The following TASP1 variants were observed in gnomAD, a reference collection of about 807,000 sequenced individuals.
The protein encoded by TASP1 is taspase 1, also known as threonine aspartase 1.
A neutral mutation model predicts 56.6 loss-of-function variants in TASP1; 16 were observed. The observed-to-expected ratio is 0.28, with a 90% CI of 0.19 to 0.43. The LOEUF is 0.43. Among genes scored for constraint, TASP1 ranks in the 20% least tolerant of loss-of-function variants. The pLI is 1.00. For missense variants in TASP1, 393 were observed against 511.6 expected, an observed-to-expected ratio of 0.77 and a Z score of 2.24; for synonymous variants, 179 against 184.2, an observed-to-expected ratio of 0.97 and a Z score of 0.23.
chr20:13,456,030 C>T (rs948801897), intron 11 of TASP1, among the ~76,000 whole-genome samples: 13 of 152,242 alleles, frequency 8.5e-5, no homozygotes, highest in African/African-American at 3.1e-4. Context: ...GGATCAAGAT[C>T]CTCAAGCACT....
intron 4 of TASP1, among the ~76,000 whole-genome samples, chr20:13,615,502 GTTTTT>G (rs756677945): frequency 7.6e-6 from 1 of 132,212 alleles, no homozygotes; most frequent in African/African-American, 2.7e-5. Flanking sequence ...TGAGAATCTG[GTTTTT>G]TTTTTTTTTT....
chr20:13,435,613 TAAATGCTTCTGATGGTTCG>T (rs1185399167), intron 11 of TASP1, among the ~76,000 whole-genome samples: 2 of 152,224 alleles, frequency 1.3e-5, no homozygotes, highest in African/African-American at 2.4e-5. Context: ...TAAACATTTT[TAAATGCTTCTGATGGTTCG>T]CACAAATAAG....
At chr20:13,438,486 C>A (rs930034435) in intron 11 of TASP1, among the ~76,000 whole-genome samples, 1 of 152,164 alleles carries the variant, frequency 6.6e-6, no homozygotes, top group African/African-American at 2.4e-5. Context: ...CTTCCTTATA[C>A]CTTATACAAA....
the TASP1 span, among the ~76,000 whole-genome samples, chr20:13,375,471 T>C: frequency 6.6e-6 from 1 of 152,210 alleles, no homozygotes; most frequent in East Asian, 1.9e-4. Context: ...ATTTTCTTTA[T>C]CCAGTCTATC....
intron 12 of TASP1, among the ~76,000 whole-genome samples, chr20:13,427,900 A>C (rs995066657): frequency 6.6e-6 from 1 of 152,210 alleles, no homozygotes; most frequent in Non-Finnish European, 1.5e-5. Context: ...TTGATAGGAA[A>C]GAATCTGAAG....
chr20:13,477,236 G>A (rs1015967666), intron 11 of TASP1, among the ~76,000 whole-genome samples: 1 of 152,050 alleles, frequency 6.6e-6, no homozygotes, highest in Non-Finnish European at 1.5e-5. Flanking sequence ...ATCCTCTAAT[G>A]TCAATGACAG....
At chr20:13,587,868 G>A (rs991445493) in intron 4 of TASP1, among the ~76,000 whole-genome samples, 20 of 152,144 alleles carry the variant, frequency 1.3e-4, no homozygotes, top group African/African-American at 4.6e-4. Flanking sequence ...GCTCACACCT[G>A]TAATCCCAAC....
chr20:13,606,023 A>AC (rs1413221163), intron 4 of TASP1, among the ~76,000 whole-genome samples: 1 of 152,042 alleles, frequency 6.6e-6, no homozygotes, highest in African/African-American at 2.4e-5. Flanking sequence ...GAAAGCCCCT[A>AC]CCTCAGGGCT....
intron 11 of TASP1, among the ~76,000 whole-genome samples, chr20:13,440,440 A>C (rs2043173557): frequency 6.6e-6 from 1 of 152,212 alleles, no homozygotes; most frequent in Non-Finnish European, 1.5e-5. Context: ...GCATGAAGCC[A>C]GAAGAGGCCA....
At chr20:13,503,128 G>C (rs1480025314) in intron 10 of TASP1, among the ~76,000 whole-genome samples, 1 of 152,024 alleles carries the variant, frequency 6.6e-6, no homozygotes, top group African/African-American at 2.4e-5. Context: ...GAGAAGGAAG[G>C]GGAGGGAGGC....
rs142775426 is a variant in TASP1, at chr20:13,611,366, T to C, written c.282+12080A>G. On this transcript the variant is annotated intron_variant, in intron 4 of 13. Coordinates refer to ENST00000337743, the MANE Select transcript of TASP1 (RefSeq NM_017714.3). ...AACCTTATTTGGGTCACCGAGGTTT[T>C]TGATCTGCTTTAGCTTCAGGTCAAA... 2.6e-5 allele frequency among the ~76,000 whole-genome samples: 4 copies of C among 152,334 alleles called. No individual in the cohort carries two copies. The East Asian group carries it at 5.8e-4, about 22-fold the overall frequency.
At chr20:13,434,752 A>G (rs2146188984) in intron 12 of TASP1, among the ~76,000 whole-genome samples, 1 of 152,300 alleles carries the variant, frequency 6.6e-6, no homozygotes, top group South Asian at 2.1e-4. Flanking sequence ...GCTTTGTGGA[A>G]TAAGATAGGA....
the TASP1 span, among the ~76,000 whole-genome samples, chr20:13,142,958 T>C: frequency 6.6e-6 from 1 of 152,226 alleles, no homozygotes; most frequent in Admixed American, 6.5e-5. Flanking sequence ...TGTTCACCTG[T>C]AGCTAAGACC....
rs1407184139 is a variant in TASP1, at chr20:13,450,474, A to G, written c.986-15320T>C. On this transcript the variant is annotated intron_variant, in intron 11 of 13. Transcript: ENST00000337743. Reference sequence around the variant, plus strand: ...TCAAACCTTGAAGTTGCTTTATCAAATAAGTTATGCAATATCCTAATTCTT... The same window carrying G: ...TCAAACCTTGAAGTTGCTTTATCAAGTAAGTTATGCAATATCCTAATTCTT... 2.0e-5 allele frequency among the ~76,000 whole-genome samples: 3 copies of G among 152,146 alleles called. No homozygotes were observed. In the East Asian group the frequency reaches 5.8e-4, roughly 29 times the overall value.
chr20:13,411,660 G>C (rs1341845653), intron 13 of TASP1, among the ~76,000 whole-genome samples: 1 of 152,186 alleles, frequency 6.6e-6, no homozygotes, highest in Non-Finnish European at 1.5e-5. Context: ...CCTTAAGCAA[G>C]GTTTGGGATC....
At chr20:13,550,165 CACACACACACACACACACACAG>C (rs2033649345) in intron 8 of TASP1, among the ~76,000 whole-genome samples, 1 of 151,274 alleles carries the variant, frequency 6.6e-6, no homozygotes, top group Non-Finnish European at 1.5e-5. Context: ...CACACACACA[CACACACACACACACACACACAG>C]AGACACTGCA....
At chr20:13,597,283 A>G (rs904051557) in intron 4 of TASP1, among the ~76,000 whole-genome samples, 2 of 152,250 alleles carry the variant, frequency 1.3e-5, no homozygotes, top group African/African-American at 4.8e-5. Flanking sequence ...AAAATCCTCA[A>G]CAAAATACTG....
At chr20:13,458,450 T>C (rs145736973) in intron 11 of TASP1, among the ~76,000 whole-genome samples, 13,821 of 152,030 alleles carry the variant, frequency 0.091, 1,196 homozygotes, top group African/African-American at 0.23. Context: ...TGGGTTCAAA[T>C]GATTCTCCTG....
At chr20:13,173,868 A>G in the TASP1 span, among the ~76,000 whole-genome samples, 1 of 152,206 alleles carries the variant, frequency 6.6e-6, no homozygotes, top group African/African-American at 2.4e-5. Flanking sequence ...ATGCTGGAAA[A>G]GAAAAAATAT....
Sources: allele counts gnomAD v4.1 joint callset (sites outside exome capture counted in the v4.1 genomes callset), GRCh38; gene constraint gnomAD v4.1.1; transcripts MANE v1.5; gene names NCBI Gene and HGNC (gene_info 2026-07-23, HGNC 2026-07-21).